Variants in PIEZO1 observed in about 807,000 individuals in gnomAD.
The protein encoded by PIEZO1 is piezo type mechanosensitive ion channel component 1 (Er blood group).
A neutral mutation model predicts 297.2 loss-of-function variants in PIEZO1; 296 were observed. The ratio of observed to expected loss-of-function variants is 1.00; its 90% CI spans 0.91 to 1.10. The LOEUF is 1.10. Ranked by LOEUF, PIEZO1 falls within the 50% of genes least tolerant of loss-of-function variation. The probability of loss-of-function intolerance (pLI) is 0.00; values close to 1 mark genes in which losing one functional copy is unlikely to be tolerated. For synonymous variants in PIEZO1, 2,427 were observed against 1,507.5 expected (o/e 1.61, Z -14.13); for missense variants, 5,018 against 3,455.5 (o/e 1.45, Z -11.34).
intron 1 of PIEZO1, among the ~76,000 whole-genome samples, chr16:88,775,913 G>A (rs1056306477): frequency 1.3e-5 from 2 of 152,262 alleles, no homozygotes; most frequent in Non-Finnish European, 2.9e-5. Flanking sequence ...CAGTGCACAC[G>A]CAGAGGCAAA....
chr16:88,724,980 G>C, intron 30 of PIEZO1, 29 bp downstream of exon 30: 4 of 1,390,644 alleles, frequency 2.9e-6, no homozygotes, highest in Non-Finnish European at 3.8e-6. Flanking sequence ...GCCTGAGAGG[G>C]TGGCCACAGG....
chr16:88,766,642 G>A (rs928873229), intron 1 of PIEZO1, among the ~76,000 whole-genome samples: 11 of 152,200 alleles, frequency 7.2e-5, no homozygotes, highest in African/African-American at 1.4e-4. Flanking sequence ...GGGCTGGGGC[G>A]AGTGGGACGC....
chr16:88,741,269 A>C, intron 5 of PIEZO1: 1 of 522,396 alleles, frequency 1.9e-6, no homozygotes, highest in South Asian at 2.5e-5. Flanking sequence ...TTCTGACTAG[A>C]GGCAGAGCCC....
At chr16:88,769,670 G>C (rs929645225) in intron 1 of PIEZO1, among the ~76,000 whole-genome samples, 4 of 152,324 alleles carry the variant, frequency 2.6e-5, no homozygotes, top group Non-Finnish European at 5.9e-5. Context: ...GCAGAGCAGG[G>C]AGAGGACCCC....
intron 1 of PIEZO1, among the ~76,000 whole-genome samples, chr16:88,770,062 C>T (rs1300515790): frequency 6.6e-6 from 1 of 152,194 alleles, no homozygotes; most frequent in East Asian, 1.9e-4. Flanking sequence ...ATGGCCCGTC[C>T]CCAGGGAAGA....
rs1438987899 is a variant in PIEZO1 at position 88,727,624 on chromosome 16, G to A, written c.3234C>T (p.Asn1078=). The A allele has an allele frequency of 6.6e-7, 1 of 1,522,204 alleles. No individual in the cohort carries two copies. The highest frequency in any genetic ancestry group is 8.9e-7 in the Non-Finnish European group (1 of 1,128,498). 94.3% of individuals were successfully genotyped at this position (1,522,204 alleles called of 1,614,324 possible). ...PWRWSRAVPM[N]SALIKWLYLP... ...GGTACAGCCACTTGATGAGTGCGGA[G>A]TTCATGGGGACGGCCCGGCTCCAGC... is the stretch of plus-strand genomic sequence containing the variant. The change falls in exon 23 of 51, where the codon AAC becomes AAT. Residue 1078 remains asparagine (N), a synonymous_variant. Transcript: ENST00000301015.
At chr16:88,767,342 T>C (rs371283043) in intron 1 of PIEZO1, among the ~76,000 whole-genome samples, 14 of 152,298 alleles carry the variant, frequency 9.2e-5, no homozygotes, top group African/African-American at 3.4e-4. Context: ...CAGGGGGCTG[T>C]GCTGGGAGAG....
At chr16:88,775,022 C>T (rs1028211744) in intron 1 of PIEZO1, among the ~76,000 whole-genome samples, 1 of 152,242 alleles carries the variant, frequency 6.6e-6, no homozygotes, top group Non-Finnish European at 1.5e-5. Flanking sequence ...GCACCCACTC[C>T]ATCCAGCAGA....
chr16:88,760,054 C>A (rs1230332958), intron 1 of PIEZO1, among the ~76,000 whole-genome samples: 2 of 152,224 alleles, frequency 1.3e-5, no homozygotes, highest in African/African-American at 2.4e-5. Flanking sequence ...AAGGCCCCAG[C>A]GGACGTGACA....
intron 44 of PIEZO1, 132 bp from the exon 45 acceptor site, chr16:88,717,343 G>T: frequency 2.7e-6 from 2 of 735,528 alleles, no homozygotes; most frequent in Non-Finnish European, 4.7e-6. Flanking sequence ...GGTAGTAATG[G>T]TGGGCAGACA....
At chr16:88,762,665 G>A (rs1906986928) in intron 1 of PIEZO1, among the ~76,000 whole-genome samples, 1 of 152,216 alleles carries the variant, frequency 6.6e-6, no homozygotes, top group Non-Finnish European at 1.5e-5. Flanking sequence ...CACAAGTGCT[G>A]TGTCGGCCCT....
chr16:88,762,007 G>A lies in PIEZO1; in HGVS notation c.65-12528C>T, dbSNP rs1337288619. 3.9e-5 allele frequency among the ~76,000 whole-genome samples: 6 copies of A among 152,352 alleles called. No individual in the cohort carries two copies. In the East Asian group the frequency reaches 1.2e-3, roughly 29 times the overall value. ...CCCCGCAGCCTCTCCAGAAAGGGAG[G>A]AAACCAGGGCTTATCTGGGCAGCCA... is the stretch of plus-strand genomic sequence containing the variant. On this transcript the variant is annotated intron_variant, in intron 1 of 50. Transcript: ENST00000301015.
Position 88,738,666 on chromosome 16 carries a change from G to A in PIEZO1, c.536C>T (p.Thr179Ile), listed in dbSNP as rs1041012813. 9.1e-6 allele frequency: 14 copies of A among 1,535,468 alleles called. No individual in the cohort carries two copies. Among genetic ancestry groups the A allele is most frequent in the South Asian group, 8.3e-5 (7 of 84,064 alleles). Residue 179 changes from threonine to isoleucine, a missense_variant, in exon 6 of 51, where the codon ACA becomes ATA. Transcript: ENST00000301015. Reference sequence around the variant, plus strand: ...ACGAGCGGCCAGCCGTGACCTCCGTGTAGGGGCCAGCGTTGCTGCTTCCTG... The same window carrying A: ...ACGAGCGGCCAGCCGTGACCTCCGTATAGGGGCCAGCGTTGCTGCTTCCTG... ...GLQEAATLAP[T>I]RRSRLAARFR...
At chr16:88,742,562 A>G (rs1299139755) in intron 2 of PIEZO1, 140 bp from the exon 3 acceptor site, 2 of 855,656 alleles carry the variant, frequency 2.3e-6, no homozygotes, top group East Asian at 2.8e-5. Flanking sequence ...TCAGGACCCC[A>G]TCAGGCAGGC....
intron 1 of PIEZO1, among the ~76,000 whole-genome samples, chr16:88,770,296 G>A (rs990442980): frequency 2.6e-5 from 4 of 152,128 alleles, no homozygotes; most frequent in Middle Eastern, 3.4e-3. Flanking sequence ...TGCACAGCCC[G>A]CTCCCCCATG....
chr16:88,731,764 C>G lies in PIEZO1; in HGVS notation c.3138G>C (p.Ala1046=). Reference sequence around the variant, plus strand: ...GCAGGTACTGGTACAGCAGGAACAGCGCCAGGAAGAGGCAGTAGTTGGGCC... The same window carrying G: ...GCAGGTACTGGTACAGCAGGAACAGGGCCAGGAAGAGGCAGTAGTTGGGCC... The part of the protein sequence containing the change: ...RLWPNYCLFL[A]LFLLYQYLLC... The change falls in exon 22 of 51, where the codon GCG becomes GCC. Residue 1046 remains alanine, a synonymous_variant. Transcript: ENST00000301015. The G allele has an allele frequency of 6.5e-7, 1 of 1,549,594 alleles. No individual in the cohort carries two copies. Among genetic ancestry groups the G allele is most frequent in the Non-Finnish European group, 8.7e-7 (1 of 1,146,786 alleles).
intron 22 of PIEZO1, among the ~76,000 whole-genome samples, chr16:88,730,857 C>G (rs1463613141): frequency 1.3e-5 from 2 of 152,228 alleles, no homozygotes; most frequent in Non-Finnish European, 2.9e-5. Flanking sequence ...GGCAGCTGTC[C>G]TTGATGGGAA....
chr16:88,767,287 T>G (rs1907221538), intron 1 of PIEZO1, among the ~76,000 whole-genome samples: 1 of 152,160 alleles, frequency 6.6e-6, no homozygotes, highest in South Asian at 2.1e-4. Flanking sequence ...GGCCTGTGGC[T>G]GTGCTGAGAC....
rs144035770 is a variant in PIEZO1, at chr16:88,715,745, G to A, written c.7426C>T (p.Arg2476Cys). The A allele has an allele frequency of 4.5e-4, 701 of 1,550,448 alleles. 2 individuals carry two copies. The African/African-American group carries it at 7.4e-3, about 16-fold the overall frequency. The change falls in exon 51 of 51, where the codon CGC becomes TGC. Residue 2476 changes from arginine to cysteine, a missense_variant. Coordinates refer to ENST00000301015, the MANE Select transcript of PIEZO1 (RefSeq NM_001142864.4). Reference sequence around the variant, plus strand: ...ATGTCCTGGCAGAGCTTGAGGATGCGGTCCACGCACGGCAGCTCCTCGAAC... The same window carrying A: ...ATGTCCTGGCAGAGCTTGAGGATGCAGTCCACGCACGGCAGCTCCTCGAAC... ...IMFEELPCVDRILKLCQDIFL... is the reference protein window; with the variant it reads ...IMFEELPCVDCILKLCQDIFL...
Sources: gnomAD v4.1 joint callset for allele counts (sites outside exome capture counted in the v4.1 genomes callset) on GRCh38, gnomAD v4.1.1 for gene constraint, MANE v1.5 for transcripts, NCBI Gene and HGNC (gene_info 2026-07-23, HGNC 2026-07-21) for gene names.